CFAP69: variants seen among roughly 807,000 people sequenced by gnomAD.
CFAP69 encodes cilia- and flagella-associated protein 69.
In CFAP69, 92 loss-of-function variants were observed where a neutral mutation model predicts 123.0. The ratio of observed to expected loss-of-function variants is 0.75; its 90% CI spans 0.63 to 0.89. The LOEUF (loss-of-function observed/expected upper bound fraction) is 0.89, where lower values mean the gene tolerates loss of function less well. CFAP69 is among the 40% of genes least tolerant of loss of function. The pLI, the probability that CFAP69 is intolerant of heterozygous loss-of-function variation, is 0.00. For synonymous variants in CFAP69, 380 were observed against 364.3 expected (o/e 1.04, Z -0.49); for missense variants, 1,067 against 1,096.9 (o/e 0.97, Z 0.39).
Position 90,271,514 on chromosome 7 carries a change from A to G in CFAP69, c.533-12A>G, listed in dbSNP as rs746008980. 8 of 1,604,606 alleles carry G rather than the reference A, an allele frequency of 5.0e-6. No individual in the cohort carries two copies. Among genetic ancestry groups the G allele is most frequent in the Non-Finnish European group, 5.1e-6 (6 of 1,176,436 alleles). On this transcript the variant is annotated splice_polypyrimidine_tract_variant and intron_variant, in intron 6 of 22. Transcript: ENST00000389297. ...AGATAACTGTATGTATTTATTAATGAATTGTTGTTAGGTTACCAGCAAGCG... is the reference window on the plus strand; with the variant it reads ...AGATAACTGTATGTATTTATTAATGGATTGTTGTTAGGTTACCAGCAAGCG...
chr7:90,283,567 C>T (rs1270023067), intron 13 of CFAP69, among the ~76,000 whole-genome samples: 1 of 152,066 alleles, frequency 6.6e-6, no homozygotes, highest in East Asian at 1.9e-4. Flanking sequence ...CATAGAAATA[C>T]TGCATGTGTT....
chr7:90,308,819 A>G lies in CFAP69; in HGVS notation c.2551-444A>G, dbSNP rs189923255. On this transcript the variant is annotated intron_variant, in intron 21 of 22. Coordinates refer to ENST00000389297, the MANE Select transcript of CFAP69 (RefSeq NM_001039706.3). ...TTGAAAATAACTTCAAATAGCTTAA[A>G]TATAACTGCAATGAATTACATAATT... 1.8e-3 allele frequency among the ~76,000 whole-genome samples: 275 copies of G among 152,296 alleles called. 1 individual carries two copies. Among genetic ancestry groups the G allele is most frequent in the Non-Finnish European group, 3.0e-3 (207 of 68,002 alleles).
rs534047565 is a variant in CFAP69 at position 90,297,459 on chromosome 7, TG to T, written c.1776-289del. On this transcript the variant is annotated intron_variant, in intron 15 of 22. Coordinates refer to ENST00000389297, the MANE Select transcript of CFAP69 (RefSeq NM_001039706.3). The stretch of plus-strand genomic sequence containing the variant: ...AAAAAGTTATGAGACCAGCCAGAGA[TG>T]ATCACTAAGAATAATTAATATCATG... Among the ~76,000 whole-genome samples, 211 of 152,310 alleles carry T rather than the reference TG, an allele frequency of 1.4e-3. 1 individual carries two copies. The highest frequency in any genetic ancestry group is 2.1e-3 in the Non-Finnish European group (145 of 68,030).
chr7:90,290,211 G>A (rs111731369), intron 15 of CFAP69, among the ~76,000 whole-genome samples: 1 of 152,234 alleles, frequency 6.6e-6, no homozygotes, highest in African/African-American at 2.4e-5. Flanking sequence ...AATTATAAAG[G>A]CTGAAAAGTC....
chr7:90,247,688 A>C (rs1381608711), intron 1 of CFAP69, among the ~76,000 whole-genome samples: 1 of 152,130 alleles, frequency 6.6e-6, no homozygotes, highest in Admixed American at 6.5e-5. Context: ...TCTACTAAAA[A>C]TACAAAAATT....
At position 90,288,261 on chromosome 7, in the gene CFAP69, A is replaced by G; in HGVS notation, c.1684A>G (p.Ile562Val). ...AATTTTCGGAACTGAAGGAGTAGAT[A>G]TCGTTCTTCATGTGATGAAAACAGA... Reference protein sequence around the residue: ...KEIFGTEGVDIVLHVMKTDPR... With the variant: ...KEIFGTEGVDVVLHVMKTDPR... The change falls in exon 15 of 23, where the codon ATC becomes GTC. Residue 562 changes from isoleucine to valine, a missense_variant. Ile to Val is a conservative substitution (Grantham distance 29). Transcript: ENST00000389297. 1.9e-6 allele frequency: 3 copies of G among 1,611,218 alleles called. No individual in the cohort carries two copies. Among genetic ancestry groups the G allele is most frequent in the Middle Eastern group, 1.7e-4 (1 of 6,038 alleles).
chr7:90,257,057 G>A (rs779851575), intron 2 of CFAP69, among the ~76,000 whole-genome samples: 5 of 152,178 alleles, frequency 3.3e-5, no homozygotes, highest in African/African-American at 9.6e-5. Context: ...TTTTGGACAC[G>A]TTACTTTAAA....
At chr7:90,253,432 C>T (rs1420611257) in intron 1 of CFAP69, among the ~76,000 whole-genome samples, 1 of 152,012 alleles carries the variant, frequency 6.6e-6, no homozygotes, top group African/African-American at 2.4e-5. Flanking sequence ...ACTCTGTCAC[C>T]CAGGTTGGAG....
In CFAP69 at chr7:90,310,077, G is replaced by T; in HGVS notation, c.2665G>T (p.Gly889Cys). Residue 889 changes from glycine to cysteine, a missense_variant, in exon 23 of 23, where the codon GGT becomes TGT. Coordinates refer to ENST00000389297, the MANE Select transcript of CFAP69 (RefSeq NM_001039706.3). ...IKGLNTTVPS[G>C]GVVTVESTPA... ...CCTTTTGCCTTTTTAGGTGCCCTCT[G>T]GTGGAGTAGTAACAGTGGAAAGCAC... 1 of 1,608,406 alleles carries T rather than the reference G, an allele frequency of 6.2e-7. No individual in the cohort carries two copies. Among genetic ancestry groups the T allele is most frequent in the Non-Finnish European group, 8.5e-7 (1 of 1,176,664 alleles).
At chr7:90,313,713 A>G (rs1562937547), downstream of CFAP69, among the ~76,000 whole-genome samples, 1 of 152,208 alleles carries the variant, frequency 6.6e-6, no homozygotes, top group Non-Finnish European at 1.5e-5. Flanking sequence ...AGGAAGGGAA[A>G]AAAGGAAGGA....
intron 19 of CFAP69, among the ~76,000 whole-genome samples, chr7:90,306,429 A>G (rs931114372): frequency 6.6e-6 from 1 of 152,188 alleles, no homozygotes; most frequent in African/African-American, 2.4e-5. Context: ...TGCCTTAGCT[A>G]GAAAGTGAGG....
At chr7:90,249,051 A>G (rs1042058360) in intron 1 of CFAP69, among the ~76,000 whole-genome samples, 2 of 152,186 alleles carry the variant, frequency 1.3e-5, no homozygotes, top group African/African-American at 4.8e-5. Flanking sequence ...AAATAAATTC[A>G]GATGATATTT....
intron 15 of CFAP69, among the ~76,000 whole-genome samples, chr7:90,296,920 T>C (rs1200317674): frequency 2.0e-5 from 3 of 152,146 alleles, no homozygotes; most frequent in Non-Finnish European, 4.4e-5. Flanking sequence ...TTTCTTATTA[T>C]GTGGAATAGT....
intron 1 of CFAP69, among the ~76,000 whole-genome samples, chr7:90,247,674 C>T (rs969257763): frequency 2.0e-5 from 3 of 151,914 alleles, no homozygotes; most frequent in East Asian, 1.9e-4. Flanking sequence ...GGTGAAACCC[C>T]GTCTCTACTA....
At chr7:90,272,142 C>A in intron 8 of CFAP69, 184 bp downstream of exon 8, 1 of 491,736 alleles carries the variant, frequency 2.0e-6, no homozygotes, top group Non-Finnish European at 3.4e-6. Flanking sequence ...CCACACTTTT[C>A]TATGTGGAAG....
Position 90,290,134 on chromosome 7 carries a change from C to T in CFAP69, c.1775+1782C>T, listed in dbSNP as rs75826446. Among the ~76,000 whole-genome samples the T allele has an allele frequency of 6.6e-5, 10 of 152,138 alleles. No homozygotes were observed. The East Asian group carries it at 1.4e-3, about 21-fold the overall frequency. On this transcript the variant is annotated intron_variant, in intron 15 of 22. Transcript: ENST00000389297. ...TATTAGTCAAGATTCCCTAGAGAGA[C>T]AGAACCAGTAAGAAAAAAACATAGA...
chr7:90,280,642 ATC>A (rs1789341285), intron 12 of CFAP69, among the ~76,000 whole-genome samples: 2 of 152,348 alleles, frequency 1.3e-5, no homozygotes, highest in African/African-American at 4.8e-5. Flanking sequence ...TAAAATCTAG[ATC>A]TCTAGCCAGA....
chr7:90,275,031 C>T (rs1788378004), intron 9 of CFAP69, among the ~76,000 whole-genome samples: 1 of 152,068 alleles, frequency 6.6e-6, no homozygotes, highest in Admixed American at 6.5e-5. Flanking sequence ...TCTCTCTATT[C>T]TTCAGGTTGG....
chr7:90,287,834 T>C (rs781398204), intron 14 of CFAP69: 76 of 795,430 alleles, frequency 9.6e-5, no homozygotes, highest in Non-Finnish European at 1.1e-4. Flanking sequence ...CTTATTTCTC[T>C]CGGGGTCATT....
Sources: allele counts gnomAD v4.1 joint callset (sites outside exome capture counted in the v4.1 genomes callset), GRCh38; gene constraint gnomAD v4.1.1; transcripts MANE v1.5; gene names NCBI Gene and HGNC (gene_info 2026-07-23, HGNC 2026-07-21).